PHF13: variants seen among roughly 807,000 people sequenced by gnomAD.
PHF13 encodes PHD finger protein 13, also known as PHD zinc finger protein PHF5.
Under a neutral mutation model 25.8 loss-of-function variants are expected in PHF13, and 1 was observed. That is an observed-to-expected ratio of 0.04 (90% CI 0.01 to 0.18). The LOEUF is 0.18. PHF13 is among the 10% of genes least tolerant of loss of function. PHF13 has a pLI of 1.00. For missense variants in PHF13, 306 were observed against 403.2 expected (o/e 0.76, Z 2.06); for synonymous variants, 195 against 162.4 (o/e 1.20, Z -1.53).
At chr1:6,619,366 G>C (rs529634689) in intron 2 of PHF13, among the ~76,000 whole-genome samples, 1 of 144,664 alleles carries the variant, frequency 6.9e-6, no homozygotes, top group African/African-American at 2.6e-5. Flanking sequence ...TTTTTTTTTT[G>C]AGACACAGAA....
At chr1:6,616,989 C>T (rs947261472) in intron 2 of PHF13, 131 bp downstream of exon 2, 4 of 684,846 alleles carry the variant, frequency 5.8e-6, no homozygotes, top group African/African-American at 1.8e-5. Flanking sequence ...TGACCCCAGT[C>T]ACTAGTCTGG....
intron 3 of PHF13, among the ~76,000 whole-genome samples, chr1:6,620,814 TC>T (rs1224056226): frequency 2.0e-5 from 3 of 151,004 alleles, no homozygotes; most frequent in Non-Finnish European, 4.4e-5. Context: ...GGTCAGGAGT[TC>T]GAGACCAGCC....
At chr1:6,614,649 C>T (rs1641228237) in intron 1 of PHF13, 1 of 150,718 alleles carries the variant, frequency 6.6e-6, no homozygotes, top group Admixed American at 6.6e-5. Context: ...CCCTACGGCT[C>T]TCGGGGGCCG....
intron 1 of PHF13, chr1:6,614,364 T>G: frequency 2.4e-6 from 1 of 422,378 alleles, no homozygotes; most frequent in Non-Finnish European, 4.2e-6. Flanking sequence ...TTGCGCCTAT[T>G]TCTCTCCCCC....
intron 2 of PHF13, among the ~76,000 whole-genome samples, chr1:6,618,949 A>G (rs953594085): frequency 6.6e-6 from 1 of 152,064 alleles, no homozygotes; most frequent in African/African-American, 2.4e-5. Flanking sequence ...ACCCAGCCTA[A>G]TGCCTGTTTT....
chr1:6,614,580 G>A, intron 1 of PHF13: 1 of 140,574 alleles, frequency 7.1e-6, no homozygotes, highest in Non-Finnish European at 1.5e-5. Flanking sequence ...CCGATCCCCC[G>A]GGCCCGGTGG....
At chr1:6,615,921 C>T (rs1196632035) in intron 1 of PHF13, among the ~76,000 whole-genome samples, 1 of 151,826 alleles carries the variant, frequency 6.6e-6, no homozygotes, top group Non-Finnish European at 1.5e-5. Context: ...AGGGGACCCT[C>T]TGAGCACGAG....
chr1:6,616,969 C>G, intron 2 of PHF13, 111 bp downstream of exon 2: 1 of 841,924 alleles, frequency 1.2e-6, no homozygotes, highest in Non-Finnish European at 2.0e-6. Flanking sequence ...TTGGAAGGGG[C>G]TGCTTGTGGT....
rs1641371935 is a variant in PHF13, at chr1:6,623,221, G to T, written c.*1584G>T. 6.6e-6 allele frequency: 1 copy of T among 152,100 alleles called. No individual in the cohort carries two copies. The highest frequency in any genetic ancestry group is 1.5e-5 in the Non-Finnish European group (1 of 68,010). The allele number at this position is 152,100 out of a possible 1,614,324, so 9.4% of individuals were successfully genotyped here. A position where few individuals can be genotyped will look rare whatever the true frequency, so the allele number is the denominator to read the frequency against. On this transcript the variant is annotated 3_prime_UTR_variant, in exon 4 of 4. Transcript: ENST00000377648. ...TTGGCTAATCAGAGGCATTTTTTTTGTCCTAGTATCTTTCACACTTGTCCA... is the reference window on the plus strand; with the variant it reads ...TTGGCTAATCAGAGGCATTTTTTTTTTCCTAGTATCTTTCACACTTGTCCA...
chr1:6,614,237 C>T (rs1392129889), intron 1 of PHF13, 132 bp downstream of exon 1: 117 of 696,838 alleles, frequency 1.7e-4, no homozygotes, highest in Middle Eastern at 3.9e-4. Context: ...TCGGCCCCCC[C>T]GGGAGCCCAA....
At chr1:6,616,439 G>C (rs1641261969) in intron 1 of PHF13, among the ~76,000 whole-genome samples, 1 of 152,234 alleles carries the variant, frequency 6.6e-6, no homozygotes, top group African/African-American at 2.4e-5. Flanking sequence ...AGCTTCGCCT[G>C]ATAGGCCTGT....
At chr1:6,615,732 C>G (rs1463209628) in intron 1 of PHF13, among the ~76,000 whole-genome samples, 1 of 152,226 alleles carries the variant, frequency 6.6e-6, no homozygotes, top group East Asian at 1.9e-4. Context: ...CTCCGTGCTT[C>G]TCTCAGGAGA....
At chr1:6,619,464 C>T (rs1262963175) in intron 2 of PHF13, among the ~76,000 whole-genome samples, 8 of 152,154 alleles carry the variant, frequency 5.3e-5, no homozygotes, top group Non-Finnish European at 8.8e-5. Context: ...CTCAGCCTCC[C>T]AAGTAGCTGG....
intron 1 of PHF13, chr1:6,614,310 T>TCCGCGGACCTCCGCGTCCTCC (rs1002557386): frequency 4.6e-4 from 223 of 490,060 alleles, no homozygotes; most frequent in African/African-American, 4.3e-3. Context: ...CCGCGTCCCC[T>TCCGCGGACCTCCGCGTCCTCC]CCGCGGACCT....
rs371499488 is a variant in PHF13 at position 6,616,747 on chromosome 1, C to T, written c.40-10C>T. 5.6e-6 allele frequency: 9 copies of T among 1,608,890 alleles called. No homozygotes were observed. The highest frequency in any genetic ancestry group is 7.7e-6 in the Non-Finnish European group (9 of 1,175,342). ...CTTCAAACACATTCCCTTTTCTCTC[C>T]CCTTAATAGGAATACTCCCCCAGTT... On this transcript the variant is annotated splice_polypyrimidine_tract_variant and intron_variant, in intron 1 of 3. Coordinates refer to ENST00000377648, the MANE Select transcript of PHF13 (RefSeq NM_153812.3).
chr1:6,615,483 CGAAA>C (rs1641247194), intron 1 of PHF13, among the ~76,000 whole-genome samples: 1 of 152,026 alleles, frequency 6.6e-6, no homozygotes, highest in Admixed American at 6.6e-5. Context: ...CCGACTTTCT[CGAAA>C]GAAAACCCGC....
intron 1 of PHF13, among the ~76,000 whole-genome samples, chr1:6,615,918 C>T (rs528064722): frequency 6.6e-6 from 1 of 152,100 alleles, no homozygotes; most frequent in South Asian, 2.1e-4. Flanking sequence ...TGGAGGGGAC[C>T]CTCTGAGCAC....
chr1:6,622,615 T>C lies in PHF13; in HGVS notation c.*978T>C, dbSNP rs1174520566. The C allele has an allele frequency of 1.3e-5, 2 of 151,318 alleles. No individual in the cohort carries two copies. The highest frequency in any genetic ancestry group is 4.9e-5 in the African/African-American group (2 of 41,090). The allele number at this position is 151,318 out of a possible 1,614,324, so 9.4% of individuals were successfully genotyped here. ...AGAGCTGGGAGGGAGCCCTCTCCGTTGGGTGACTCTTGTGTGCCCTTTAGA... is the reference window on the plus strand; with the variant it reads ...AGAGCTGGGAGGGAGCCCTCTCCGTCGGGTGACTCTTGTGTGCCCTTTAGA... On this transcript the variant is annotated 3_prime_UTR_variant, in exon 4 of 4. Transcript: ENST00000377648.
Position 6,613,933 on chromosome 1 carries a change from A to C in PHF13, c.-134A>C, listed in dbSNP as rs889459361. 1.8e-6 allele frequency: 1 copy of C among 557,330 alleles called. No individual in the cohort carries two copies. 34.5% of individuals were successfully genotyped at this position (557,330 alleles called of 1,614,324 possible). A position where few individuals can be genotyped will look rare whatever the true frequency, so the allele number is the denominator to read the frequency against. ...GAAGCGACGCGCTGAGCCCCCCATC[A>C]CCTCCAGCCCGGGCGACCCCTCCCG... On this transcript the variant is annotated 5_prime_UTR_variant, in exon 1 of 4. Transcript: ENST00000377648.
Sources: gnomAD v4.1 joint callset for allele counts (sites outside exome capture counted in the v4.1 genomes callset) on GRCh38, gnomAD v4.1.1 for gene constraint, MANE v1.5 for transcripts, NCBI Gene and HGNC (gene_info 2026-07-23, HGNC 2026-07-21) for gene names.